Variants in TRPC5OS observed in about 807,000 individuals in gnomAD.
TRPC5OS encodes the protein TRPC5 opposite strand, also known as putative uncharacterized protein TRPC5OS.
For missense variants in TRPC5OS, 64 were observed against 79.3 expected (o/e 0.81, Z 0.73); for synonymous variants, 30 against 29.3 (o/e 1.02, Z -0.08).
At chrX:111,879,007 G>A (rs779788766) in intron 1 of TRPC5OS, among the ~76,000 whole-genome samples, 1 of 112,006 alleles carries the variant, frequency 8.9e-6, no homozygotes, top group Non-Finnish European at 1.9e-5. Context: ...CTTATGATCC[G>A]GAATATCAAA....
intron 1 of TRPC5OS, among the ~76,000 whole-genome samples, chrX:111,878,952 C>T (rs1408715347): frequency 1.8e-5 from 2 of 111,884 alleles, no homozygotes; most frequent in African/African-American, 6.5e-5. Flanking sequence ...TGGCTCCATA[C>T]TTGCACTTAA....
At chrX:111,899,567 G>GA (rs757368722) in intron 3 of TRPC5OS, among the ~76,000 whole-genome samples, 6 of 110,659 alleles carry the variant, frequency 5.4e-5, no homozygotes, top group Admixed American at 3.9e-4. Context: ...GAGAAGCTGA[G>GA]AAAAAAAACT....
At position 111,901,634 on chromosome X, in the gene TRPC5OS, A is replaced by C. The variant is rs1925349701; in HGVS notation, c.-216A>C. Reference sequence around the variant, plus strand: ...AGTACAAACAAGAGTACCATACATAAATTCTGTGCGCGGTTTACCAACATC... The same window carrying C: ...AGTACAAACAAGAGTACCATACATACATTCTGTGCGCGGTTTACCAACATC... On this transcript the variant is annotated 5_prime_UTR_variant, in exon 4 of 4. Transcript: ENST00000635763. 3.1e-6 allele frequency: 1 copy of C among 320,223 alleles called. No homozygotes were observed. Among genetic ancestry groups the C allele is most frequent in the Admixed American group, 5.5e-5 (1 of 18,130 alleles). The allele number at this position is 320,223 out of a possible 1,213,427, so 26.4% of individuals were successfully genotyped here.
intron 1 of TRPC5OS, among the ~76,000 whole-genome samples, chrX:111,885,758 CTA>C (rs1232046899): frequency 2.7e-5 from 3 of 110,843 alleles, no homozygotes; most frequent in African/African-American, 9.9e-5. Context: ...CAGTTTAAAT[CTA>C]TGTTTAAACT....
intron 3 of TRPC5OS, among the ~76,000 whole-genome samples, chrX:111,900,068 G>A (rs149081668): frequency 9.8e-4 from 109 of 111,224 alleles, no homozygotes; most frequent in Middle Eastern, 4.7e-3. Flanking sequence ...CAACTGAGTG[G>A]GTCAAAAAAG....
chrX:111,892,349 C>T (rs1231318258), intron 1 of TRPC5OS, among the ~76,000 whole-genome samples: 1 of 112,166 alleles, frequency 8.9e-6, no homozygotes, highest in African/African-American at 3.2e-5. Flanking sequence ...CCTTTATTAT[C>T]TTGTCTCAAT....
intron 1 of TRPC5OS, among the ~76,000 whole-genome samples, chrX:111,883,662 A>G (rs182356710): frequency 8.9e-6 from 1 of 112,114 alleles, no homozygotes; most frequent in Non-Finnish European, 1.9e-5. Context: ...TTAAGACCTC[A>G]TCGGTGTATT....
intron 1 of TRPC5OS, among the ~76,000 whole-genome samples, chrX:111,882,345 G>T (rs1008881231): frequency 8.9e-6 from 1 of 112,313 alleles, no homozygotes; most frequent in African/African-American, 3.2e-5. Flanking sequence ...TTGCAGTATG[G>T]TAAGGTAGGG....
intron 1 of TRPC5OS, among the ~76,000 whole-genome samples, chrX:111,887,170 A>C (rs187668832): frequency 1.8e-4 from 20 of 112,542 alleles, no homozygotes; most frequent in Admixed American, 1.7e-3. Flanking sequence ...ATCTCCCTTT[A>C]TGCTATTACA....
chrX:111,892,956 GC>G (rs1304359885), intron 1 of TRPC5OS, among the ~76,000 whole-genome samples: 1 of 111,470 alleles, frequency 9.0e-6, no homozygotes, highest in Non-Finnish European at 1.9e-5. Context: ...AATTCGTTGT[GC>G]TAACTAACTA....
intron 1 of TRPC5OS, among the ~76,000 whole-genome samples, chrX:111,893,622 A>G (rs948650638): frequency 3.6e-5 from 4 of 112,045 alleles, no homozygotes; most frequent in African/African-American, 1.3e-4. Context: ...GTTTAAATTG[A>G]CCATAAGGAC....
intron 1 of TRPC5OS, among the ~76,000 whole-genome samples, chrX:111,885,182 A>G (rs1213727116): frequency 8.8e-6 from 1 of 113,012 alleles, no homozygotes; most frequent in Non-Finnish European, 1.9e-5. Flanking sequence ...ATCAGTCTAG[A>G]TAAGGCATTG....
At chrX:111,883,213 T>A (rs1299755874) in intron 1 of TRPC5OS, among the ~76,000 whole-genome samples, 1 of 112,520 alleles carries the variant, frequency 8.9e-6, no homozygotes, top group Non-Finnish European at 1.9e-5. Flanking sequence ...GTTGCCCAAG[T>A]CTAGTTTTGG....
At chrX:111,886,576 G>GC (rs1924508809) in intron 1 of TRPC5OS, among the ~76,000 whole-genome samples, 1 of 111,728 alleles carries the variant, frequency 9.0e-6, no homozygotes, top group African/African-American at 3.3e-5. Flanking sequence ...ACTCGATTTG[G>GC]CGTGATCTTG....
chrX:111,901,639 T>C lies in TRPC5OS; in HGVS notation c.-211T>C. 3.1e-6 allele frequency: 1 copy of C among 324,060 alleles called. No homozygotes were observed. The highest frequency in any genetic ancestry group is 5.3e-6 in the Non-Finnish European group (1 of 187,350). The allele number at this position is 324,060 out of a possible 1,213,427, so 26.7% of individuals were successfully genotyped here. On this transcript the variant is annotated 5_prime_UTR_variant, in exon 4 of 4. Transcript: ENST00000635763. ...AAACAAGAGTACCATACATAAATTC[T>C]GTGCGCGGTTTACCAACATCATCAA...
At chrX:111,889,118 T>C (rs1924679889) in intron 1 of TRPC5OS, among the ~76,000 whole-genome samples, 1 of 112,003 alleles carries the variant, frequency 8.9e-6, no homozygotes, top group African/African-American at 3.3e-5. Context: ...CATCTGCCTA[T>C]AGGTGTTATT....
At chrX:111,895,848 C>T (rs913944314) in intron 1 of TRPC5OS, 103 bp from the exon 2 acceptor site, 3 of 111,403 alleles carry the variant, frequency 2.7e-5, no homozygotes, top group African/African-American at 9.8e-5. Context: ...TTTATTTATT[C>T]TTATGCATTT....
chrX:111,895,709 G>T (rs927014038), intron 1 of TRPC5OS, among the ~76,000 whole-genome samples: 8 of 110,693 alleles, frequency 7.2e-5, no homozygotes, highest in East Asian at 5.7e-4. Context: ...TGGTTCCATT[G>T]ATTTATTTGT....
At chrX:111,876,966 A>C (rs1455916019) in intron 1 of TRPC5OS, among the ~76,000 whole-genome samples, 1 of 111,743 alleles carries the variant, frequency 8.9e-6, no homozygotes, top group Non-Finnish European at 1.9e-5. Flanking sequence ...GCCTGAGTTT[A>C]ATGCTGTTCT....
Sources: allele counts gnomAD v4.1 joint callset (sites outside exome capture counted in the v4.1 genomes callset), GRCh38; gene constraint gnomAD v4.1.1; transcripts MANE v1.5; gene names NCBI Gene and HGNC (gene_info 2026-07-23, HGNC 2026-07-21).